Variants in RGS7 observed in about 807,000 individuals in gnomAD.
The protein encoded by RGS7 is regulator of G-protein signaling 7.
RGS7 carries 27 observed loss-of-function variants against 81.1 expected under a neutral mutation model. That is an observed-to-expected ratio of 0.33 (90% CI 0.25 to 0.46). The LOEUF is 0.46. Among genes scored for constraint, RGS7 ranks in the 20% least tolerant of loss-of-function variants. RGS7 has a pLI of 1.00. For synonymous variants in RGS7, 208 were observed against 207.7 expected (o/e 1.00, Z -0.01); for missense variants, 396 against 607.4 (o/e 0.65, Z 3.66).
At chr1:240,863,155 C>T (rs1050144614) in intron 9 of RGS7, among the ~76,000 whole-genome samples, 2 of 152,170 alleles carry the variant, frequency 1.3e-5, no homozygotes, top group Non-Finnish European at 2.9e-5. Flanking sequence ...CTATGTCGCC[C>T]AGGCTTAAAT....
At chr1:240,790,094 C>T (rs925817913) in intron 18 of RGS7, among the ~76,000 whole-genome samples, 6 of 151,892 alleles carry the variant, frequency 4.0e-5, no homozygotes, top group African/African-American at 1.5e-4. Context: ...GAATTTCGCC[C>T]AATAGCGCAT....
intron 2 of RGS7, among the ~76,000 whole-genome samples, chr1:241,138,826 T>A (rs79877798): frequency 0.014 from 2,137 of 152,250 alleles, 61 homozygotes; most frequent in East Asian, 0.076. Context: ...ATGCTTTTTT[T>A]AAAAAATATA....
intron 2 of RGS7, among the ~76,000 whole-genome samples, chr1:241,250,939 T>C (rs2076798501): frequency 6.6e-6 from 1 of 152,334 alleles, no homozygotes; most frequent in East Asian, 1.9e-4. Flanking sequence ...GTAGGGACTA[T>C]GCCTTGCTCA....
At chr1:241,306,413 A>C (rs1210950034) in intron 2 of RGS7, among the ~76,000 whole-genome samples, 1 of 148,900 alleles carries the variant, frequency 6.7e-6, no homozygotes, top group Non-Finnish European at 1.5e-5. Flanking sequence ...CCTCACATGC[A>C]CACACGTCCA....
intron 6 of RGS7, among the ~76,000 whole-genome samples, chr1:240,930,222 C>CTTTTTTTTTTTTTTTTTT (rs10676730): frequency 1.8e-5 from 2 of 113,890 alleles, no homozygotes; most frequent in African/African-American, 6.9e-5. Flanking sequence ...TCTTTTTTAG[C>CTTTTTTTTTTTTTTTTTT]TTTTTTTTTT....
intron 2 of RGS7, among the ~76,000 whole-genome samples, chr1:241,161,454 C>T (rs2069653730): frequency 1.3e-5 from 2 of 149,748 alleles, no homozygotes; most frequent in African/African-American, 4.9e-5. Context: ...TAACTAATGG[C>T]ACAGTCCATG....
intron 12 of RGS7, 78 bp from the exon 13 acceptor site, chr1:240,813,806 T>C (rs1198612215): frequency 4.4e-6 from 4 of 902,272 alleles, no homozygotes; most frequent in South Asian, 1.4e-5. Flanking sequence ...GAAAACAATA[T>C]AAAAATGTGG....
chr1:241,239,749 T>G (rs2076177668), intron 2 of RGS7, among the ~76,000 whole-genome samples: 1 of 152,158 alleles, frequency 6.6e-6, no homozygotes, highest in Non-Finnish European at 1.5e-5. Flanking sequence ...ATGATCAGGC[T>G]TCATCTCAGA....
chr1:241,308,921 C>T (rs1048681107), intron 2 of RGS7, among the ~76,000 whole-genome samples: 1 of 152,102 alleles, frequency 6.6e-6, no homozygotes, highest in African/African-American at 2.4e-5. Flanking sequence ...TGTCTTTTTG[C>T]CCTCTGTCAT....
chr1:241,336,727 G>A (rs1474916097), intron 2 of RGS7, among the ~76,000 whole-genome samples: 2 of 152,148 alleles, frequency 1.3e-5, no homozygotes, highest in African/African-American at 4.8e-5. Flanking sequence ...GTGAAGAAGT[G>A]GAAGTTTTGT....
At chr1:241,282,760 G>GT (rs1007209772) in intron 2 of RGS7, among the ~76,000 whole-genome samples, 26 of 152,246 alleles carry the variant, frequency 1.7e-4, no homozygotes, top group Admixed American at 4.6e-4. Context: ...TTTCTTGAGA[G>GT]TTTTTTATCA....
At chr1:241,178,039 C>G (rs1315541295) in intron 2 of RGS7, among the ~76,000 whole-genome samples, 1 of 152,144 alleles carries the variant, frequency 6.6e-6, no homozygotes, top group Non-Finnish European at 1.5e-5. Context: ...GTAAGCCCAG[C>G]ACTTTGGAAG....
At chr1:240,823,435 TTATA>T in intron 10 of RGS7, 1 of 350,940 alleles carries the variant, frequency 2.8e-6, no homozygotes, top group East Asian at 7.4e-5. Context: ...ATGCCTCACG[TTATA>T]GTCCAGTCCG....
intron 2 of RGS7, among the ~76,000 whole-genome samples, chr1:241,306,274 C>T (rs1371165065): frequency 2.0e-5 from 3 of 151,250 alleles, no homozygotes; most frequent in Non-Finnish European, 2.9e-5. Context: ...CACACATACA[C>T]ACACACCCTT....
chr1:240,929,557 G>A (rs1675052103), intron 6 of RGS7, among the ~76,000 whole-genome samples: 1 of 152,048 alleles, frequency 6.6e-6, no homozygotes. Context: ...CTAAATTCAA[G>A]TTTCTGAAAT....
intron 4 of RGS7, among the ~76,000 whole-genome samples, chr1:240,952,660 A>C (rs1027721875): frequency 6.6e-6 from 1 of 152,006 alleles, no homozygotes; most frequent in African/African-American, 2.4e-5. Context: ...AATGAACAAA[A>C]TACATACAAA....
intron 2 of RGS7, among the ~76,000 whole-genome samples, chr1:241,176,169 C>T (rs2071127142): frequency 6.6e-6 from 1 of 152,152 alleles, no homozygotes; most frequent in Non-Finnish European, 1.5e-5. Context: ...GTTATTATGA[C>T]TTCCTTTTAA....
chr1:241,214,696 C>T lies in RGS7; in HGVS notation c.79-115934G>A, dbSNP rs148988846. On this transcript the variant is annotated intron_variant, in intron 2 of 18. Transcript: ENST00000440928. The stretch of plus-strand genomic sequence containing the variant: ...TTGAGAATGTGTTCATTCTTAAAAT[C>T]TTTTTTTAAATTTGTGACTCATTTT... 4.1e-3 allele frequency among the ~76,000 whole-genome samples: 629 copies of T among 152,108 alleles called. 3 individuals carry two copies. Among genetic ancestry groups the T allele is most frequent in the Middle Eastern group, 6.8e-3 (2 of 294 alleles).
chr1:240,808,075 G>C (rs16840712), intron 14 of RGS7, among the ~76,000 whole-genome samples: 2 of 148,466 alleles, frequency 1.3e-5, no homozygotes, highest in African/African-American at 5.0e-5. Flanking sequence ...CGCATAATCC[G>C]AGGGAGCAGA....
Sources: allele counts gnomAD v4.1 joint callset (sites outside exome capture counted in the v4.1 genomes callset), GRCh38; gene constraint gnomAD v4.1.1; transcripts MANE v1.5; gene names NCBI Gene and HGNC (gene_info 2026-07-23, HGNC 2026-07-21).